DNAH17: variants seen among roughly 807,000 people sequenced by gnomAD.
DNAH17 encodes the protein dynein axonemal heavy chain 17.
In DNAH17, 376 loss-of-function variants were observed where a neutral mutation model predicts 485.6. That is an observed-to-expected ratio of 0.77 (90% CI 0.71 to 0.84). The LOEUF (loss-of-function observed/expected upper bound fraction) is 0.84, where lower values mean the gene tolerates loss of function less well. Among genes scored for constraint, DNAH17 ranks in the 40% least tolerant of loss-of-function variants. DNAH17 has a pLI of 0.00. For synonymous variants in DNAH17, 3,031 were observed against 2,405.9 expected, an observed-to-expected ratio of 1.26 and a Z score of -7.60; for missense variants, 6,370 against 5,839.3, an observed-to-expected ratio of 1.09 and a Z score of -2.96.
intron 44 of DNAH17, among the ~76,000 whole-genome samples, chr17:78,490,431 C>T (rs922394389): frequency 2.0e-5 from 3 of 152,212 alleles, no homozygotes; most frequent in African/African-American, 7.2e-5. Context: ...CCACAGAGGC[C>T]AAGACCTCCC....
At chr17:78,537,032 G>C (rs1481839158) in intron 19 of DNAH17, among the ~76,000 whole-genome samples, 1 of 151,928 alleles carries the variant, frequency 6.6e-6, no homozygotes, top group Non-Finnish European at 1.5e-5. Context: ...AAAAAAATTA[G>C]CCGGGTGTGG....
At chr17:78,466,214 A>G (rs1375898838) in intron 56 of DNAH17, among the ~76,000 whole-genome samples, 1 of 152,190 alleles carries the variant, frequency 6.6e-6, no homozygotes, top group African/African-American at 2.4e-5. Context: ...TGCTTTGTTA[A>G]ACAGATGCTT....
chr17:78,500,131 G>A (rs934607042), intron 36 of DNAH17, 174 bp downstream of exon 36: 3 of 681,886 alleles, frequency 4.4e-6, no homozygotes, highest in Non-Finnish European at 4.7e-6. Flanking sequence ...TTTCCAGAGG[G>A]ACCACCTGAG....
At chr17:78,508,541 G>A (rs1315994093) in intron 27 of DNAH17, among the ~76,000 whole-genome samples, 5 of 152,096 alleles carry the variant, frequency 3.3e-5, no homozygotes, top group East Asian at 3.9e-4. Context: ...TCTATCTTAC[G>A]TCAATGGAAT....
chr17:78,475,347 T>C lies in DNAH17; in HGVS notation c.8442A>G (p.Ala2814=). ...ACACGTCAAGCCCGCTGATGTACGCTGCCAGGCGGGAGAGGCTCTGTTTGC... is the reference window on the plus strand; with the variant it reads ...ACACGTCAAGCCCGCTGATGTACGCCGCCAGGCGGGAGAGGCTCTGTTTGC... ...GSGKQSLSRL[A]AYISGLDVFQ... The change falls in exon 54 of 81, where the codon GCA becomes GCG. Residue 2814 remains alanine (A), a synonymous_variant. Transcript: ENST00000389840. The C allele has an allele frequency of 1.9e-6, 3 of 1,614,016 alleles. No individual in the cohort carries two copies. The highest frequency in any genetic ancestry group is 1.1e-5 in the South Asian group (1 of 91,090).
intron 65 of DNAH17, 85 bp downstream of exon 65, chr17:78,453,258 G>A (rs1008478742): frequency 1.0e-4 from 156 of 1,529,646 alleles, no homozygotes; most frequent in Non-Finnish European, 1.3e-4. Flanking sequence ...AGGAAATTCC[G>A]GGCGTTTTCT....
At chr17:78,502,858 C>A (rs760835132) in intron 32 of DNAH17, 28 bp downstream of exon 32, 12 of 1,607,014 alleles carry the variant, frequency 7.5e-6, no homozygotes, top group Non-Finnish European at 1.0e-5. Context: ...AGCCACGAGG[C>A]GCCGCCGAGC....
rs995091226 is a variant in DNAH17 at position 78,461,425 on chromosome 17, T to C, written c.9339+119A>G. 6 of 1,105,486 alleles carry C rather than the reference T, an allele frequency of 5.4e-6. No homozygotes were observed. The Admixed American group carries it at 1.8e-4, about 33-fold the overall frequency. The allele number at this position is 1,105,486 out of a possible 1,614,324, so 68.5% of individuals were successfully genotyped here. A position where few individuals can be genotyped will look rare whatever the true frequency, so the allele number is the denominator to read the frequency against. ...CCCACTGGTTTAGGAACCTTGTCCT[T>C]CTATGTAAGTCTCAGCCTTTCCCAC... is the stretch of plus-strand genomic sequence containing the variant. On this transcript the variant is annotated intron_variant, in intron 58 of 80. Transcript: ENST00000389840.
intron 48 of DNAH17, among the ~76,000 whole-genome samples, chr17:78,484,136 C>T (rs1015944005): frequency 1.5e-5 from 2 of 132,008 alleles, no homozygotes; most frequent in African/African-American, 5.6e-5. Context: ...GACAACTGAA[C>T]TGAATGTTCT....
rs528525383 is a variant in DNAH17, at chr17:78,429,424, C to T, written c.12226-124G>A. On this transcript the variant is annotated intron_variant, in intron 75 of 80. Coordinates refer to ENST00000389840, the MANE Select transcript of DNAH17 (RefSeq NM_173628.4). Reference sequence around the variant, plus strand: ...ATTGGTGCTGTGTCCTTCTCGCCCTCCAGGTCAGCCTCCTGGCCATTTACC... The same window carrying T: ...ATTGGTGCTGTGTCCTTCTCGCCCTTCAGGTCAGCCTCCTGGCCATTTACC... 14 of 1,071,172 alleles carry T rather than the reference C, an allele frequency of 1.3e-5. No homozygotes were observed. The South Asian group carries it at 2.1e-4, about 16-fold the overall frequency. 66.4% of individuals were successfully genotyped at this position (1,071,172 alleles called of 1,614,324 possible).
chr17:78,498,265 C>T (rs2090145512), intron 37 of DNAH17, among the ~76,000 whole-genome samples: 1 of 152,238 alleles, frequency 6.6e-6, no homozygotes, highest in South Asian at 2.1e-4. Flanking sequence ...ACCCCACATG[C>T]TCCTGGTCTA....
intron 48 of DNAH17, among the ~76,000 whole-genome samples, chr17:78,483,633 AAAT>A (rs536576212): frequency 4.6e-5 from 3 of 65,438 alleles, no homozygotes; most frequent in East Asian, 3.9e-4. Flanking sequence ...TCTGTCTTGG[AAAT>A]AATAATAATA....
rs2089972628 is a variant in DNAH17 at position 78,494,081 on chromosome 17, G to T, written c.6363C>A (p.Arg2121=). The change falls in exon 41 of 81, where the codon CGC becomes CGA. Residue 2121 remains arginine (R), a synonymous_variant. Transcript: ENST00000389840. ...VVQLEELLQV[R]HSVFIVGNAG... The stretch of plus-strand genomic sequence containing the variant: ...CATTCCCGACGATGAACACGGAGTG[G>T]CGGACCTGCAGCAGCTCCTCCAGCT... 3.1e-6 allele frequency: 5 copies of T among 1,612,638 alleles called. No individual in the cohort carries two copies. The African/African-American group carries it at 5.3e-5, about 17-fold the overall frequency.
rs55701739 is a variant in DNAH17 at position 78,554,436 on chromosome 17, CAAAAAA to C, written c.2179-1637_2179-1632del. 5.1e-3 allele frequency among the ~76,000 whole-genome samples: 163 copies of C among 32,104 alleles called. 6 individuals are homozygous for C. Among genetic ancestry groups the C allele is most frequent in the African/African-American group, 9.5e-3 (88 of 9,270 alleles). 21.1% of individuals were successfully genotyped at this position (32,104 alleles called of 152,430 possible). On this transcript the variant is annotated intron_variant, in intron 14 of 80. Coordinates refer to ENST00000389840, the MANE Select transcript of DNAH17 (RefSeq NM_173628.4). ...TGGACAATAGAATGAGACTCTGTCT[CAAAAAA>C]AAAAAAAAAAAAAAAAAAAAAAAAA... is the stretch of plus-strand genomic sequence containing the variant.
In DNAH17 at chr17:78,429,973, G is replaced by A. The variant is rs189279472; in HGVS notation, c.12226-673C>T. The stretch of plus-strand genomic sequence containing the variant: ...CTAGGCTGCCCGGGCCTTAGGGAAC[G>A]AAGACCAAACTCGGCAGTGTGGACC... On this transcript the variant is annotated intron_variant, in intron 75 of 80. Transcript: ENST00000389840. Among the ~76,000 whole-genome samples the A allele has an allele frequency of 2.2e-4, 34 of 152,294 alleles. No homozygotes were observed. The East Asian group carries it at 6.0e-3, about 27-fold the overall frequency.
rs148955452 is a variant in DNAH17 at position 78,462,534 on chromosome 17, G to A, written c.9174+310C>T. On this transcript the variant is annotated intron_variant, in intron 57 of 80. Transcript: ENST00000389840. Reference sequence around the variant, plus strand: ...GAATGGTATTTACGAATGAACAAATGCATTTGTATTGACTGCATTGGGCAT... The same window carrying A: ...GAATGGTATTTACGAATGAACAAATACATTTGTATTGACTGCATTGGGCAT... Among the ~76,000 whole-genome samples, 414 of 152,290 alleles carry A rather than the reference G, an allele frequency of 2.7e-3. 3 individuals are homozygous for A. The highest frequency in any genetic ancestry group is 9.2e-3 in the African/African-American group (384 of 41,546).
rs557141291 is a variant in DNAH17 at position 78,501,416 on chromosome 17, T to C, written c.5323-72A>G. The C allele has an allele frequency of 1.2e-5, 18 of 1,515,956 alleles. No individual in the cohort carries two copies. In the South Asian group the frequency reaches 2.3e-4, roughly 19 times the overall value. 93.9% of individuals were successfully genotyped at this position (1,515,956 alleles called of 1,614,324 possible). ...TAGGGCTGCCTAAGGAAGGCCAGCA[T>C]GCCTCCAAGGCCGGTCCCCTGCTGC... On this transcript the variant is annotated intron_variant, in intron 34 of 80. Coordinates refer to ENST00000389840, the MANE Select transcript of DNAH17 (RefSeq NM_173628.4).
In DNAH17 at chr17:78,455,664, G is replaced by A. The variant is rs868842454; in HGVS notation, c.10150C>T (p.Pro3384Ser). 6.4e-7 allele frequency: 1 copy of A among 1,557,254 alleles called. No individual in the cohort carries two copies. The highest frequency in any genetic ancestry group is 8.7e-7 in the Non-Finnish European group (1 of 1,150,498). Residue 3384 changes from proline (P) to serine (S), a missense_variant, in exon 63 of 81, where the codon CCT (proline) becomes TCT (serine). By Grantham distance (74) the Pro-to-Ser change is moderately conservative. Transcript: ENST00000389840. ...RNELMEKFWIPYIHNLKVPIP... is the reference protein window; with the variant it reads ...RNELMEKFWISYIHNLKVPIP... The stretch of plus-strand genomic sequence containing the variant: ...CTTACCTTTAAGTTATGTATGTAAG[G>A]GATCCAGAATTTCTCCATCAGCTCA...
intron 11 of DNAH17, among the ~76,000 whole-genome samples, chr17:78,564,152 C>T (rs1020593318): frequency 2.6e-5 from 4 of 151,980 alleles, no homozygotes; most frequent in Non-Finnish European, 2.9e-5. Context: ...CTAGGGCTCC[C>T]GAGGGGTCAC....
Sources: allele counts gnomAD v4.1 joint callset (sites outside exome capture counted in the v4.1 genomes callset), GRCh38; gene constraint gnomAD v4.1.1; transcripts MANE v1.5; gene names NCBI Gene and HGNC (gene_info 2026-07-23, HGNC 2026-07-21).